The following CDC14B variants were observed in gnomAD, a reference collection of about 807,000 sequenced individuals.
CDC14B encodes the protein dual specificity protein phosphatase CDC14B.
CDC14B carries 22 observed loss-of-function variants against 64.2 expected under a neutral mutation model. The ratio of observed to expected loss-of-function variants is 0.34; its 90% confidence interval spans 0.24 to 0.49. The LOEUF (loss-of-function observed/expected upper bound fraction) is 0.49, where lower values mean the gene tolerates loss of function less well. Ranked by LOEUF, CDC14B falls within the 20% of genes least tolerant of loss-of-function variation. CDC14B has a pLI of 0.99. For synonymous variants in CDC14B, 191 were observed against 215.8 expected (o/e 0.89, Z 1.01); for missense variants, 498 against 629.9 (o/e 0.79, Z 2.24).
At chr9:96,617,169 G>A (rs1847683603) in intron 1 of CDC14B, among the ~76,000 whole-genome samples, 2 of 151,296 alleles carry the variant, frequency 1.3e-5, no homozygotes, top group Non-Finnish European at 2.9e-5. Flanking sequence ...CAAAGCTTCC[G>A]CAGCGTGGAA....
chr9:96,552,694 T>C (rs951772586), intron 4 of CDC14B, among the ~76,000 whole-genome samples: 6 of 152,178 alleles, frequency 3.9e-5, no homozygotes, highest in Non-Finnish European at 7.4e-5. Context: ...AGTTTGAGAC[T>C]TTCACCACCA....
chr9:96,615,665 C>T (rs1847580672), intron 1 of CDC14B, among the ~76,000 whole-genome samples: 1 of 152,162 alleles, frequency 6.6e-6, no homozygotes, highest in African/African-American at 2.4e-5. Context: ...GCGGCGTAGC[C>T]ATTCGGAAAA....
rs767254687 is a variant in CDC14B, at chr9:96,565,442, C to T, written c.202G>A (p.Ala68Thr). Residue 68 changes from alanine (A) to threonine (T), a missense_variant, in exon 2 of 14, where the codon GCA (alanine) becomes ACA (threonine). Ala to Thr is a moderately conservative substitution (Grantham distance 58). Transcript: ENST00000375241. ...FAILYSRPKS[A>T]SNVHYFSIDN... ...ATGCTGAAATAATGTACATTTGATG[C>T]ACTCTTTGGTCTGCTGTAGAGAATG... 12 of 1,611,722 alleles carry T rather than the reference C, an allele frequency of 7.4e-6. No individual in the cohort carries two copies. The highest frequency in any genetic ancestry group is 5.3e-5 in the African/African-American group (4 of 74,856).
At chr9:96,541,215 C>T (rs569272900) in intron 6 of CDC14B, among the ~76,000 whole-genome samples, 103 of 152,336 alleles carry the variant, frequency 6.8e-4, no homozygotes, top group Middle Eastern at 3.4e-3. Flanking sequence ...ACCCTGTTCA[C>T]GTAGAACGTG....
rs751567759 is a variant in CDC14B at position 96,500,568 on chromosome 9, C to T, written c.*3185G>A. On this transcript the variant is annotated 3_prime_UTR_variant, in exon 14 of 14. Coordinates refer to ENST00000375241, the MANE Select transcript of CDC14B (RefSeq NM_033331.4). ...AGGTGAATTGTCCAGTCTTTAAACACATCTGGAGTCATCTCCACTGAGTGA... is the reference window on the plus strand; with the variant it reads ...AGGTGAATTGTCCAGTCTTTAAACATATCTGGAGTCATCTCCACTGAGTGA... The T allele has an allele frequency of 6.6e-6, 1 of 152,610 alleles. No homozygotes were observed. Among genetic ancestry groups the T allele is most frequent in the Non-Finnish European group, 1.5e-5 (1 of 68,038 alleles). The allele number at this position is 152,610 out of a possible 1,614,324, so 9.5% of individuals were successfully genotyped here.
At chr9:96,518,242 C>T (rs145429282) in intron 12 of CDC14B, among the ~76,000 whole-genome samples, 1,780 of 152,166 alleles carry the variant, frequency 0.012, 63 homozygotes, top group Admixed American at 0.085. Flanking sequence ...TCAGGCCAGG[C>T]GCAGTGGCTC....
In CDC14B at chr9:96,564,828, G is replaced by A. The variant is rs764723020; in HGVS notation, c.276C>T (p.Leu92=). 1 of 1,604,142 alleles carries A rather than the reference G, an allele frequency of 6.2e-7. No individual in the cohort carries two copies. Among genetic ancestry groups the A allele is most frequent in the African/African-American group, 1.3e-5 (1 of 74,620 alleles). Residue 92 remains leucine, a synonymous_variant, in exon 3 of 14, where the codon CTC becomes CTT. Transcript: ENST00000375241. ...YENFYADFGP[L]NLAMVYRYCC... is the part of the protein sequence containing the mutation. ...AATATCTGTAAACCATTGCCAGATT[G>A]AGTGGTCCAAAATCTGCGTAGAAGC...
chr9:96,518,675 C>T (rs1298540100), intron 12 of CDC14B, among the ~76,000 whole-genome samples: 1 of 152,274 alleles, frequency 6.6e-6, no homozygotes, highest in East Asian at 1.9e-4. Context: ...ACATAAAGAT[C>T]ACAGGGGTGA....
chr9:96,574,697 C>CAAAAAAA (rs57056796), intron 1 of CDC14B, among the ~76,000 whole-genome samples: 881 of 49,910 alleles, frequency 0.018, 140 homozygotes, highest in African/African-American at 0.069. Context: ...CTCGGTCTCA[C>CAAAAAAA]AAAAAAAAAA....
rs778915199 is a variant in CDC14B, at chr9:96,509,656, T to A, written c.1460+17A>T. 10 of 1,452,324 alleles carry A rather than the reference T, an allele frequency of 6.9e-6. No individual in the cohort carries two copies. The East Asian group carries it at 2.0e-4, about 30-fold the overall frequency. The allele number at this position is 1,452,324 out of a possible 1,614,324, so 90.0% of individuals were successfully genotyped here. A position where few individuals can be genotyped will look rare whatever the true frequency, so the allele number is the denominator to read the frequency against. On this transcript the variant is annotated intron_variant, in intron 13 of 13. Transcript: ENST00000375241. ...AAACGCTTGCAACTTTTCAGAAGAG[T>A]AGGATTCTTTTCTCACCTTTTAACA...
At chr9:96,553,048 T>C (rs925106980) in intron 4 of CDC14B, among the ~76,000 whole-genome samples, 3 of 152,246 alleles carry the variant, frequency 2.0e-5, no homozygotes, top group Non-Finnish European at 4.4e-5. Context: ...CCATGTCTTA[T>C]GGTTTCATTA....
intron 1 of CDC14B, chr9:96,618,492 T>C (rs772989023): frequency 2.8e-5 from 15 of 533,292 alleles, no homozygotes; most frequent in Non-Finnish European, 2.3e-5. Flanking sequence ...GCTGCTTGGC[T>C]ACCTGCTCTG....
chr9:96,613,228 CCCACAGA>C (rs1847428479), intron 1 of CDC14B, among the ~76,000 whole-genome samples: 1 of 152,182 alleles, frequency 6.6e-6, no homozygotes, highest in Non-Finnish European at 1.5e-5. Flanking sequence ...TTCAGTGATT[CCCACAGA>C]CTATCTCAGA....
chr9:96,602,306 A>C (rs1173079571), intron 1 of CDC14B, among the ~76,000 whole-genome samples: 1 of 152,164 alleles, frequency 6.6e-6, no homozygotes, highest in Non-Finnish European at 1.5e-5. Flanking sequence ...CAGTCACAAC[A>C]AGCACAGTTC....
chr9:96,582,032 G>A (rs754892802), intron 1 of CDC14B, among the ~76,000 whole-genome samples: 6 of 152,078 alleles, frequency 3.9e-5, no homozygotes, highest in Non-Finnish European at 7.4e-5. Context: ...ACCAAGGGAC[G>A]GCTCCATCAG....
chr9:96,566,684 G>A, intron 1 of CDC14B: 2 of 1,351,082 alleles, frequency 1.5e-6, no homozygotes, highest in Non-Finnish European at 2.1e-6. Context: ...CCCAGACTAG[G>A]GGCACCTCCA....
At chr9:96,496,609 C>T (rs956187051), downstream of CDC14B, among the ~76,000 whole-genome samples, 1 of 152,160 alleles carries the variant, frequency 6.6e-6, no homozygotes, top group Non-Finnish European at 1.5e-5. Context: ...TGCCGGGGCG[C>T]TCCGTGCGTC....
chr9:96,528,447 A>T (rs1410955028), intron 9 of CDC14B, among the ~76,000 whole-genome samples: 2 of 152,078 alleles, frequency 1.3e-5, no homozygotes, highest in African/African-American at 4.8e-5. Context: ...ACTTGAACCC[A>T]GGTGGCAGAG....
intron 1 of CDC14B, among the ~76,000 whole-genome samples, chr9:96,581,496 T>C (rs1323475879): frequency 6.6e-6 from 1 of 151,148 alleles, no homozygotes; most frequent in Non-Finnish European, 1.5e-5. Flanking sequence ...TTAAATTAAT[T>C]AAATTTAAAA....
Sources: gnomAD v4.1 joint callset for allele counts (sites outside exome capture counted in the v4.1 genomes callset) on GRCh38, gnomAD v4.1.1 for gene constraint, MANE v1.5 for transcripts, NCBI Gene and HGNC (gene_info 2026-07-23, HGNC 2026-07-21) for gene names.